Variants in VEPH1 observed in about 807,000 individuals in gnomAD.
VEPH1 encodes the protein ventricular zone expressed PH domain containing 1, also known as ventricular zone-expressed PH domain-containing protein homolog 1.
In VEPH1, 80 loss-of-function variants were observed where a neutral mutation model predicts 85.2. The observed-to-expected ratio is 0.94, with a 90% CI of 0.78 to 1.13. The LOEUF is 1.13. Ranked by LOEUF, VEPH1 falls within the 50% of genes most tolerant of loss-of-function variation. The pLI, the probability that VEPH1 is intolerant of heterozygous loss-of-function variation, is 0.00. For missense variants in VEPH1, 955 were observed against 980.5 expected (o/e 0.97, Z 0.35); for synonymous variants, 297 against 348.0 (o/e 0.85, Z 1.63).
chr3:157,334,919 C>A (rs774229073), intron 9 of VEPH1, among the ~76,000 whole-genome samples: 25 of 152,142 alleles, frequency 1.6e-4, no homozygotes, highest in Non-Finnish European at 1.5e-5. Context: ...AGGGCCAAGT[C>A]CTGATTCTGC....
chr3:157,454,550 A>G (rs1338926578), intron 4 of VEPH1, among the ~76,000 whole-genome samples: 2 of 152,212 alleles, frequency 1.3e-5, no homozygotes, highest in African/African-American at 4.8e-5. Flanking sequence ...CTGGGTGAAT[A>G]GTTGAGCCCA....
chr3:157,272,661 G>C (rs1366398888), intron 12 of VEPH1, among the ~76,000 whole-genome samples: 1 of 151,738 alleles, frequency 6.6e-6, no homozygotes, highest in South Asian at 2.1e-4. Context: ...AATGGGGTTA[G>C]GCCATGTCGC....
chr3:157,438,037 G>GCACACACACA lies in VEPH1; in HGVS notation c.530-9559_530-9550dup, dbSNP rs781700719. ...TCATGGGAAGCGCGCGCGCGCGCGC[G>GCACACACACA]CACACACACACACACACACACACAC... On this transcript the variant is annotated intron_variant, in intron 4 of 13. Transcript: ENST00000362010. 1.7e-3 allele frequency: 863 copies of GCACACACACA among 515,802 alleles called. 1 individual carries two copies. The highest frequency in any genetic ancestry group is 3.6e-3 in the South Asian group (147 of 40,930). The allele number at this position is 515,802 out of a possible 1,614,324, so 32.0% of individuals were successfully genotyped here.
intron 7 of VEPH1, among the ~76,000 whole-genome samples, chr3:157,377,647 G>C (rs974323793): frequency 4.6e-5 from 7 of 152,094 alleles, no homozygotes; most frequent in Non-Finnish European, 8.8e-5. Flanking sequence ...GGTTTTATAA[G>C]GGGCTGTTTC....
At chr3:157,498,116 G>T (rs1363787351) in intron 1 of VEPH1, among the ~76,000 whole-genome samples, 1 of 152,196 alleles carries the variant, frequency 6.6e-6, no homozygotes, top group African/African-American at 2.4e-5. Flanking sequence ...TATTTGAGAA[G>T]CACCTTTAGG....
chr3:157,294,531 A>C (rs1577262707), intron 11 of VEPH1, among the ~76,000 whole-genome samples: 1 of 152,140 alleles, frequency 6.6e-6, no homozygotes. Flanking sequence ...TGCATCCACC[A>C]CCCCCAACAT....
intron 6 of VEPH1, among the ~76,000 whole-genome samples, chr3:157,394,259 G>A (rs1730158890): frequency 6.6e-6 from 1 of 152,238 alleles, no homozygotes; most frequent in South Asian, 2.1e-4. Flanking sequence ...TGAAAAGGTA[G>A]TAGTACCATG....
At chr3:157,376,049 C>T (rs1432350192) in intron 7 of VEPH1, among the ~76,000 whole-genome samples, 3 of 152,170 alleles carry the variant, frequency 2.0e-5, no homozygotes, top group Non-Finnish European at 4.4e-5. Flanking sequence ...CTCCTCTGCC[C>T]CAGGCCTGTG....
intron 10 of VEPH1, among the ~76,000 whole-genome samples, chr3:157,315,601 A>G (rs1720662920): frequency 6.6e-6 from 1 of 152,084 alleles, no homozygotes; most frequent in Non-Finnish European, 1.5e-5. Context: ...TATTTACCCG[A>G]AAGCCAGAAT....
At chr3:157,335,925 A>G (rs1722920980) in intron 9 of VEPH1, among the ~76,000 whole-genome samples, 1 of 152,154 alleles carries the variant, frequency 6.6e-6, no homozygotes, top group African/African-American at 2.4e-5. Context: ...TACATAGCCC[A>G]CTAGGCACCA....
intron 4 of VEPH1, chr3:157,459,592 C>A (rs1735649399): frequency 8.5e-7 from 1 of 1,178,150 alleles, no homozygotes; most frequent in South Asian, 2.6e-5. Context: ...GATCTGAAAC[C>A]AAAGAAAATA....
intron 4 of VEPH1, among the ~76,000 whole-genome samples, chr3:157,455,263 T>C (rs1560075462): frequency 6.6e-6 from 1 of 152,176 alleles, no homozygotes; most frequent in Non-Finnish European, 1.5e-5. Flanking sequence ...TCTATTGTTT[T>C]CTGAATTTTT....
intron 2 of VEPH1, among the ~76,000 whole-genome samples, chr3:157,476,531 C>T (rs532134830): frequency 1.3e-5 from 2 of 152,302 alleles, no homozygotes; most frequent in South Asian, 2.1e-4. Context: ...TCTTCTGCCC[C>T]CACCCCAATA....
At chr3:157,347,664 G>GC (rs1040753645) in intron 9 of VEPH1, among the ~76,000 whole-genome samples, 12 of 152,354 alleles carry the variant, frequency 7.9e-5, no homozygotes, top group African/African-American at 2.9e-4. Context: ...GGCCTCTGCA[G>GC]CCCCCTCTTC....
chr3:157,386,049 T>G (rs1729254520), intron 6 of VEPH1, among the ~76,000 whole-genome samples: 1 of 152,128 alleles, frequency 6.6e-6, no homozygotes, highest in South Asian at 2.1e-4. Context: ...AAGTTCACAG[T>G]GGCAGATAAT....
At chr3:157,418,466 G>A (rs996046191) in intron 5 of VEPH1, among the ~76,000 whole-genome samples, 1 of 152,032 alleles carries the variant, frequency 6.6e-6, no homozygotes, top group South Asian at 2.1e-4. Flanking sequence ...AAGAATAAAA[G>A]TTTTCAAGCA....
chr3:157,318,931 G>A (rs1037845464), intron 9 of VEPH1, among the ~76,000 whole-genome samples: 5 of 152,072 alleles, frequency 3.3e-5, no homozygotes, highest in African/African-American at 9.7e-5. Flanking sequence ...TAGTACGGGC[G>A]ACAGAGTCAG....
At chr3:157,298,449 G>C (rs919707634) in intron 11 of VEPH1, among the ~76,000 whole-genome samples, 3 of 152,182 alleles carry the variant, frequency 2.0e-5, no homozygotes, top group African/African-American at 7.2e-5. Flanking sequence ...GGATTACCCA[G>C]TGAATATTAT....
chr3:157,480,807 T>C (rs1737972002), intron 2 of VEPH1, among the ~76,000 whole-genome samples: 1 of 152,180 alleles, frequency 6.6e-6, no homozygotes, highest in Non-Finnish European at 1.5e-5. Flanking sequence ...CCTTTGAGTA[T>C]ATACCCAGTA....
Sources: allele counts gnomAD v4.1 joint callset (sites outside exome capture counted in the v4.1 genomes callset), GRCh38; gene constraint gnomAD v4.1.1; transcripts MANE v1.5; gene names NCBI Gene and HGNC (gene_info 2026-07-23, HGNC 2026-07-21).